TLL1: variants seen among roughly 807,000 people sequenced by gnomAD.
The protein encoded by TLL1 is tolloid like 1, also known as tolloid-like protein 1.
TLL1 carries 49 observed loss-of-function variants against 128.2 expected under a neutral mutation model. The observed-to-expected ratio is 0.38, with a 90% CI of 0.30 to 0.48. The LOEUF (loss-of-function observed/expected upper bound fraction) is 0.48. Among genes scored for constraint, TLL1 ranks in the 20% least tolerant of loss-of-function variants. The pLI is 0.96. For synonymous variants in TLL1, 454 were observed against 418.8 expected, an observed-to-expected ratio of 1.08 and a Z score of -1.03; for missense variants, 1,123 against 1,242.0, an observed-to-expected ratio of 0.90 and a Z score of 1.44.
chr4:166,042,684 T>C (rs1739290041), intron 11 of TLL1, among the ~76,000 whole-genome samples: 1 of 152,172 alleles, frequency 6.6e-6, no homozygotes, highest in Non-Finnish European at 1.5e-5. Context: ...TCTTGCCAGG[T>C]TGTGGGTGGA....
chr4:166,086,941 G>C (rs1006048208), intron 18 of TLL1, among the ~76,000 whole-genome samples: 15 of 152,046 alleles, frequency 9.9e-5, no homozygotes, highest in Admixed American at 1.3e-4. Context: ...CATGATTATA[G>C]CTTTAAAATA....
intron 11 of TLL1, among the ~76,000 whole-genome samples, chr4:166,042,805 G>C (rs532872660): frequency 6.6e-6 from 1 of 152,278 alleles, no homozygotes; most frequent in South Asian, 2.1e-4. Context: ...TAACTGCCTA[G>C]TAGTGAAGAG....
chr4:166,075,096 G>A, intron 17 of TLL1, 93 bp downstream of exon 17: 1 of 1,552,268 alleles, frequency 6.4e-7, no homozygotes, highest in Admixed American at 1.7e-5. Context: ...TCATTTCAAT[G>A]AGTGATATCA....
chr4:165,874,146 G>T (rs1730619212), intron 1 of TLL1, 73 bp downstream of exon 1: 1 of 1,575,062 alleles, frequency 6.3e-7, no homozygotes, highest in Admixed American at 1.7e-5. Flanking sequence ...GGTGGCGGTG[G>T]GAGCTCACCT....
At chr4:165,966,813 G>A (rs1735402940) in intron 1 of TLL1, among the ~76,000 whole-genome samples, 2 of 152,152 alleles carry the variant, frequency 1.3e-5, no homozygotes, top group South Asian at 4.1e-4. Context: ...AGAGATCACA[G>A]GACCAGGGTG....
chr4:165,930,352 G>A (rs1219846236), intron 1 of TLL1, among the ~76,000 whole-genome samples: 2 of 152,080 alleles, frequency 1.3e-5, no homozygotes, highest in Admixed American at 6.6e-5. Context: ...GTATGATATA[G>A]GAGAATTTAA....
chr4:166,065,925 T>C, intron 16 of TLL1, 62 bp downstream of exon 16: 1 of 1,539,800 alleles, frequency 6.5e-7, no homozygotes, highest in Non-Finnish European at 9.0e-7. Context: ...TGGATTAAAT[T>C]GTATGTGATC....
At chr4:165,965,378 A>G (rs954058698) in intron 1 of TLL1, among the ~76,000 whole-genome samples, 1 of 152,162 alleles carries the variant, frequency 6.6e-6, no homozygotes, top group African/African-American at 2.4e-5. Context: ...ACAGCTTTGA[A>G]TTTTGCAATA....
chr4:166,066,908 A>T (rs975667238), intron 16 of TLL1, among the ~76,000 whole-genome samples: 3 of 151,816 alleles, frequency 2.0e-5, no homozygotes, highest in African/African-American at 7.2e-5. Flanking sequence ...TGAAAATAAG[A>T]CTTTTTAAGA....
intron 1 of TLL1, among the ~76,000 whole-genome samples, chr4:165,922,876 A>T (rs950478992): frequency 2.6e-5 from 4 of 152,228 alleles, no homozygotes; most frequent in African/African-American, 9.6e-5. Context: ...TAGCCAGCAC[A>T]GGATTTGTGA....
chr4:165,935,492 T>TA (rs1733722020), intron 1 of TLL1, among the ~76,000 whole-genome samples: 1 of 152,082 alleles, frequency 6.6e-6, no homozygotes, highest in Non-Finnish European at 1.5e-5. Flanking sequence ...GGAAAACAAA[T>TA]AAAAATAAAA....
chr4:166,048,498 G>T (rs1739566792), intron 12 of TLL1, among the ~76,000 whole-genome samples: 1 of 152,136 alleles, frequency 6.6e-6, no homozygotes, highest in African/African-American at 2.4e-5. Flanking sequence ...TATTTTTTAA[G>T]ACCAGTATAC....
At chr4:166,063,821 T>A (rs1242246604) in intron 15 of TLL1, among the ~76,000 whole-genome samples, 7 of 151,844 alleles carry the variant, frequency 4.6e-5, no homozygotes, top group Admixed American at 3.3e-4. Context: ...GTGGGGAACA[T>A]CACGCCACAC....
chr4:165,988,945 C>G (rs1241717125), intron 1 of TLL1, among the ~76,000 whole-genome samples: 6 of 152,064 alleles, frequency 3.9e-5, no homozygotes, highest in Admixed American at 3.9e-4. Context: ...ATAAAATTAT[C>G]TTAGTTTATA....
At chr4:165,904,533 A>C (rs1000846639) in intron 1 of TLL1, among the ~76,000 whole-genome samples, 2 of 152,212 alleles carry the variant, frequency 1.3e-5, no homozygotes, top group African/African-American at 4.8e-5. Flanking sequence ...GACAAAATGA[A>C]GATGTCAATC....
At chr4:165,949,627 G>A (rs10034635) in intron 1 of TLL1, among the ~76,000 whole-genome samples, 19,062 of 152,078 alleles carry the variant, frequency 0.13, 3,232 homozygotes, top group African/African-American at 0.39. Flanking sequence ...ACAGCAGAAG[G>A]TGAAAGGTAC....
intron 9 of TLL1, chr4:166,030,515 T>TA (rs1439583316): frequency 1.1e-5 from 7 of 616,476 alleles, no homozygotes; most frequent in Non-Finnish European, 2.1e-5. Context: ...TTTGATGTCA[T>TA]ACCACTTGTC....
chr4:166,013,949 T>C (rs1313151787), intron 7 of TLL1, among the ~76,000 whole-genome samples: 1 of 151,894 alleles, frequency 6.6e-6, no homozygotes, highest in African/African-American at 2.4e-5. Flanking sequence ...CTTCTAAGAA[T>C]ACTTAGGTTA....
At chr4:165,903,652 C>G (rs1204760206) in intron 1 of TLL1, among the ~76,000 whole-genome samples, 2 of 151,628 alleles carry the variant, frequency 1.3e-5, no homozygotes, top group Non-Finnish European at 2.9e-5. Context: ...ACCTTGTGAT[C>G]TGCCTGCCTC....
Sources: allele counts gnomAD v4.1 joint callset (sites outside exome capture counted in the v4.1 genomes callset), GRCh38; gene constraint gnomAD v4.1.1; transcripts MANE v1.5; gene names NCBI Gene and HGNC (gene_info 2026-07-23, HGNC 2026-07-21).